AKR1D1: variants seen among roughly 807,000 people sequenced by gnomAD.
The protein encoded by AKR1D1 is aldo-keto reductase family 1 member D1, also known as delta(4)-3-ketosteroid 5-beta-reductase.
In AKR1D1, 32 loss-of-function variants were observed where a neutral mutation model predicts 42.6. The observed-to-expected ratio is 0.75, with a 90% CI of 0.57 to 1.01. AKR1D1 has a LOEUF of 1.01. AKR1D1 is among the 50% of genes least tolerant of loss of function. The probability of loss-of-function intolerance (pLI) is 0.00; values close to 1 mark genes in which losing one functional copy is unlikely to be tolerated. For missense variants in AKR1D1, 364 were observed against 402.2 expected (o/e 0.91, Z 0.81); for synonymous variants, 123 against 135.5 (o/e 0.91, Z 0.64).
rs1794442263 is a variant in AKR1D1, at chr7:138,106,733, G to A, written c.689+16G>A. The A allele has an allele frequency of 6.4e-7, 1 of 1,562,562 alleles. No homozygotes were observed. Among genetic ancestry groups the A allele is most frequent in the Admixed American group, 1.7e-5 (1 of 59,910 alleles). ...ATCCAATCTGGTAAGTAAAACTTTAGGAAGCATTTCCTTTGGTGTAGAGTG... is the reference window on the plus strand; with the variant it reads ...ATCCAATCTGGTAAGTAAAACTTTAAGAAGCATTTCCTTTGGTGTAGAGTG... On this transcript the variant is annotated intron_variant, in intron 6 of 8. Coordinates refer to ENST00000242375, the MANE Select transcript of AKR1D1 (RefSeq NM_005989.4).
Position 138,116,681 on chromosome 7 carries a change from C to A in AKR1D1, c.*19C>A, listed in dbSNP as rs1690837701. ...ATACTGACTGCAGGGAGTTCCTGAA[C>A]AGATTTTTCACTCCCACGAGTGCCA... is the stretch of plus-strand genomic sequence containing the variant. On this transcript the variant is annotated 3_prime_UTR_variant, in exon 9 of 9. Coordinates refer to ENST00000242375, the MANE Select transcript of AKR1D1 (RefSeq NM_005989.4). 1 of 1,613,550 alleles carries A rather than the reference C, an allele frequency of 6.2e-7. No homozygotes were observed. The highest frequency in any genetic ancestry group is 8.5e-7 in the Non-Finnish European group (1 of 1,179,554).
In AKR1D1 at chr7:138,107,273, A is replaced by C. The variant is rs146404523; in HGVS notation, c.690-142A>C. The stretch of plus-strand genomic sequence containing the variant: ...ACTCTCCATTCAGTGCATACTCTGC[A>C]CTCAGAGAAACTGGTTACAGGTGAC... On this transcript the variant is annotated intron_variant, in intron 6 of 8. Transcript: ENST00000242375. The C allele has an allele frequency of 5.9e-5, 51 of 870,304 alleles. No individual in the cohort carries two copies. In the East Asian group the frequency reaches 1.1e-3, roughly 18 times the overall value. 53.9% of individuals were successfully genotyped at this position (870,304 alleles called of 1,614,324 possible). A position where few individuals can be genotyped will look rare whatever the true frequency, so the allele number is the denominator to read the frequency against.
intron 3 of AKR1D1, among the ~76,000 whole-genome samples, chr7:138,093,550 C>T (rs1001726182): frequency 6.6e-6 from 1 of 152,128 alleles, no homozygotes; most frequent in East Asian, 1.9e-4. Context: ...GTCCACATCT[C>T]GTCCCACTGG....
intron 3 of AKR1D1, among the ~76,000 whole-genome samples, 195 bp from the exon 4 acceptor site, chr7:138,097,671 C>T (rs1285831080): frequency 1.3e-5 from 2 of 152,278 alleles, no homozygotes; most frequent in Non-Finnish European, 1.5e-5. Flanking sequence ...AAGACAGGTA[C>T]TGGCATCCCA....
At chr7:138,090,171 A>T (rs1039155329) in intron 2 of AKR1D1, among the ~76,000 whole-genome samples, 2 of 152,232 alleles carry the variant, frequency 1.3e-5, no homozygotes, top group African/African-American at 4.8e-5. Context: ...GGATTGCAAT[A>T]GGAACACCAA....
At chr7:138,083,649 A>G (rs143025051) in intron 1 of AKR1D1, among the ~76,000 whole-genome samples, 233 of 152,288 alleles carry the variant, frequency 1.5e-3, no homozygotes, top group African/African-American at 5.5e-3. Context: ...GTCATATCCA[A>G]GAAATCATCA....
intron 3 of AKR1D1, among the ~76,000 whole-genome samples, chr7:138,097,314 G>A (rs968837867): frequency 7.9e-5 from 12 of 152,198 alleles, no homozygotes; most frequent in African/African-American, 2.9e-4. Context: ...GCATACAAGA[G>A]TGATTTATTT....
At chr7:138,111,409 G>A (rs1794534760) in intron 7 of AKR1D1, among the ~76,000 whole-genome samples, 1 of 152,112 alleles carries the variant, frequency 6.6e-6, no homozygotes, top group South Asian at 2.1e-4. Context: ...CATCCCACTG[G>A]AACAGCCCTT....
Position 138,091,895 on chromosome 7 carries a change from A to G in AKR1D1, c.378+11A>G, listed in dbSNP as rs1452687564. ...CCCATGGCCTTTAAGGTGAGTTCAG[A>G]TGCCCAAAGGTCAGGTCTCTGCACC... On this transcript the variant is annotated intron_variant, in intron 3 of 8. Transcript: ENST00000242375. The G allele has an allele frequency of 6.3e-7, 1 of 1,586,234 alleles. No individual in the cohort carries two copies. Among genetic ancestry groups the G allele is most frequent in the Non-Finnish European group, 8.7e-7 (1 of 1,155,284 alleles).
chr7:138,080,509 A>G (rs185125446), intron 1 of AKR1D1, among the ~76,000 whole-genome samples: 68 of 152,338 alleles, frequency 4.5e-4, no homozygotes, highest in African/African-American at 1.6e-3. Flanking sequence ...TGAACTTCAG[A>G]TGAACAATGA....
At chr7:138,106,544 A>G in intron 5 of AKR1D1, 64 bp from the exon 6 acceptor site, 1 of 1,224,316 alleles carries the variant, frequency 8.2e-7, no homozygotes, top group South Asian at 1.2e-5. Context: ...TTTTTTTAAC[A>G]GTACAATTGC....
intron 1 of AKR1D1, among the ~76,000 whole-genome samples, chr7:138,080,207 G>T (rs1233848024): frequency 6.6e-6 from 1 of 152,188 alleles, no homozygotes; most frequent in East Asian, 1.9e-4. Flanking sequence ...TATCTTGAAA[G>T]AACTTCCATC....
At chr7:138,076,732 AC>A in intron 1 of AKR1D1, 121 bp downstream of exon 1, 1 of 812,152 alleles carries the variant, frequency 1.2e-6, no homozygotes, top group Non-Finnish European at 2.1e-6. Context: ...AATGGAAGCA[AC>A]CTCAATTTGT....
intron 4 of AKR1D1, among the ~76,000 whole-genome samples, chr7:138,100,560 AAAG>A (rs150843381): frequency 0.013 from 1,976 of 152,224 alleles, 45 homozygotes; most frequent in African/African-American, 0.045. Flanking sequence ...TACATGGGAT[AAAG>A]AAGATTATTA....
At chr7:138,082,338 T>C (rs1803075831) in intron 1 of AKR1D1, among the ~76,000 whole-genome samples, 1 of 152,046 alleles carries the variant, frequency 6.6e-6, no homozygotes, top group African/African-American at 2.4e-5. Context: ...TTTTCAAGTT[T>C]ATTTCTTTGT....
chr7:138,087,867 G>A (rs1793968345), intron 1 of AKR1D1, among the ~76,000 whole-genome samples: 1 of 150,848 alleles, frequency 6.6e-6, no homozygotes, highest in African/African-American at 2.4e-5. Flanking sequence ...CATACTATGT[G>A]TTGTCATCAA....
chr7:138,113,824 T>A, intron 8 of AKR1D1, 52 bp downstream of exon 8: 2 of 1,517,248 alleles, frequency 1.3e-6, no homozygotes, highest in Non-Finnish European at 1.8e-6. Context: ...TGAATGGTCA[T>A]GTGTCAAGCA....
At position 138,095,671 on chromosome 7, in the gene AKR1D1, G is replaced by A. The variant is rs750452296; in HGVS notation, c.379-2195G>A. Among the ~76,000 whole-genome samples the A allele has an allele frequency of 3.8e-4, 58 of 152,118 alleles. 1 individual carries two copies. The highest frequency in any genetic ancestry group is 6.9e-4 in the Non-Finnish European group (47 of 67,978). ...CTGCTGAGTAGCTGGGATTACAGGC[G>A]CCCGCCATCATGCCCGGCTAATTTT... is the stretch of plus-strand genomic sequence containing the variant. On this transcript the variant is annotated intron_variant, in intron 3 of 8. Coordinates refer to ENST00000242375, the MANE Select transcript of AKR1D1 (RefSeq NM_005989.4).
At chr7:138,105,749 T>C (rs1183100728) in intron 5 of AKR1D1, among the ~76,000 whole-genome samples, 1 of 152,084 alleles carries the variant, frequency 6.6e-6, no homozygotes, top group Non-Finnish European at 1.5e-5. Flanking sequence ...TAGCTGGGCT[T>C]GGTGGCACAT....
Sources: allele counts gnomAD v4.1 joint callset (sites outside exome capture counted in the v4.1 genomes callset), GRCh38; gene constraint gnomAD v4.1.1; transcripts MANE v1.5; gene names NCBI Gene and HGNC (gene_info 2026-07-23, HGNC 2026-07-21).